The following CD177 variants were observed in gnomAD, a reference collection of about 807,000 sequenced individuals.
The protein encoded by CD177 is CD177 antigen.
Under a neutral mutation model 38.1 loss-of-function variants are expected in CD177, and 41 were observed. The ratio of observed to expected loss-of-function variants is 1.07; its 90% CI spans 0.84 to 1.39. The LOEUF is 1.39. Ranked by LOEUF, CD177 falls within the 40% of genes most tolerant of loss-of-function variation. CD177 has a pLI of 0.00. For synonymous variants in CD177, 236 were observed against 216.7 expected (o/e 1.09, Z -0.78); for missense variants, 619 against 523.8 (o/e 1.18, Z -1.77).
Position 43,355,689 on chromosome 19 carries a change from C to T in CD177, c.408C>T (p.Cys136=), listed in dbSNP as rs951833233. 8 of 1,612,846 alleles carry T rather than the reference C, an allele frequency of 5.0e-6. No homozygotes were observed. Among genetic ancestry groups the T allele is most frequent in the Non-Finnish European group, 6.8e-6 (8 of 1,179,390 alleles). The change falls in exon 4 of 9, where the codon TGC becomes TGT. Residue 136 remains cysteine (C), a synonymous_variant. Coordinates refer to ENST00000618265, the MANE Select transcript of CD177 (RefSeq NM_020406.4). ...ADPGSLRCPV[C]LSMEGCLEGT... Reference sequence around the variant, plus strand: ...CAGGATCCTTGAGGTGCCCAGTCTGCTTGTCTATGGAAGGCTGTCTGGAGG... The same window carrying T: ...CAGGATCCTTGAGGTGCCCAGTCTGTTTGTCTATGGAAGGCTGTCTGGAGG...
At chr19:43,363,561 T>C (rs1184836885), downstream of CD177, among the ~76,000 whole-genome samples, 5 of 152,188 alleles carry the variant, frequency 3.3e-5, no homozygotes, top group Non-Finnish European at 1.5e-5. Flanking sequence ...TCCAAACTGA[T>C]GTCCTCACTC....
In CD177 at chr19:43,362,162, C is replaced by A. The variant is rs559438445; in HGVS notation, c.1156C>A (p.Gln386Lys). ...PSSFLLNHTR[Q>K]IGIFSAREKR... is the part of the protein sequence containing the mutation. The stretch of plus-strand genomic sequence containing the variant: ...CAGCTTCTTGTTGAACCACACCAGA[C>A]AAATCGGGATCTTCTCTGCGCGTGA... The change falls in exon 9 of 9, where the codon CAA (glutamine) becomes AAA (lysine). Residue 386 changes from glutamine (Q) to lysine (K), a missense_variant. By Grantham distance (53) the Gln-to-Lys change is moderately conservative. Coordinates refer to ENST00000618265, the MANE Select transcript of CD177 (RefSeq NM_020406.4). 16 of 1,613,736 alleles carry A rather than the reference C, an allele frequency of 9.9e-6. No homozygotes were observed. In the Admixed American group the frequency reaches 1.7e-4, roughly 17 times the overall value.
intron 5 of CD177, 40 bp from the exon 6 acceptor site, chr19:43,360,225 G>A: frequency 2.5e-6 from 4 of 1,604,818 alleles, no homozygotes; most frequent in Non-Finnish European, 3.4e-6. Context: ...AGACATGGTG[G>A]GTTCCTGGCT....
At chr19:43,363,264 C>T (rs1599880423), downstream of CD177, 1 of 152,240 alleles carries the variant, frequency 6.6e-6, no homozygotes, top group South Asian at 2.1e-4. Context: ...CTTGAGAGAA[C>T]TCCAGAAAAA....
Position 43,356,047 on chromosome 19 carries a change from C to G in CD177, c.558C>G (p.Asn186Lys), listed in dbSNP as rs1356266599. 1.5e-6 allele frequency: 1 copy of G among 667,686 alleles called. No homozygotes were observed. The allele number at this position is 667,686 out of a possible 1,614,324, so 41.4% of individuals were successfully genotyped here. A position where few individuals can be genotyped will look rare whatever the true frequency, so the allele number is the denominator to read the frequency against. The part of the protein sequence containing the change: ...VQGCMPQPVC[N>K]LLNGTQEIGP... The stretch of plus-strand genomic sequence containing the variant: ...GATGCATGCCCCAGCCAGTTTGCAA[C>G]CTGCTCAATGGGACACAGGAAATTG... Residue 186 changes from asparagine (N) to lysine (K), a missense_variant, in exon 5 of 9, where the codon AAC becomes AAG. Transcript: ENST00000618265.
Position 43,362,371 on chromosome 19 carries a change from T to A in CD177, c.*51T>A, listed in dbSNP as rs1196698262. 7.5e-6 allele frequency: 6 copies of A among 801,044 alleles called. No individual in the cohort carries two copies. The highest frequency in any genetic ancestry group is 1.2e-5 in the Non-Finnish European group (6 of 498,614). 49.6% of individuals were successfully genotyped at this position (801,044 alleles called of 1,614,324 possible). A position where few individuals can be genotyped will look rare whatever the true frequency, so the allele number is the denominator to read the frequency against. ...CGCTGCTGACCACCCACACTCAACC[T>A]CCCTCTGACCTCATAACCTAATGGC... On this transcript the variant is annotated 3_prime_UTR_variant, in exon 9 of 9. Coordinates refer to ENST00000618265, the MANE Select transcript of CD177 (RefSeq NM_020406.4).
chr19:43,355,803 G>T lies in CD177; in HGVS notation c.502+20G>T, dbSNP rs367981894. 62 of 1,612,762 alleles carry T rather than the reference G, an allele frequency of 3.8e-5. No homozygotes were observed. The highest frequency in any genetic ancestry group is 1.3e-4 in the Admixed American group (8 of 59,846). ...GGGGAGGTAAGCCTGGGACATCGGGGTCCCTGTGGGGACTGAACTGGAAGG... is the reference window on the plus strand; with the variant it reads ...GGGGAGGTAAGCCTGGGACATCGGGTTCCCTGTGGGGACTGAACTGGAAGG... On this transcript the variant is annotated intron_variant, in intron 4 of 8. Coordinates refer to ENST00000618265, the MANE Select transcript of CD177 (RefSeq NM_020406.4).
At chr19:43,361,723 G>T (rs1437986587) in intron 8 of CD177, 144 bp downstream of exon 8, 1 of 841,792 alleles carries the variant, frequency 1.2e-6, no homozygotes, top group Non-Finnish European at 1.8e-6. Context: ...AGGGAGGAGG[G>T]GCTGGGGGCC....
chr19:43,359,889 T>C (rs551601529), intron 5 of CD177, among the ~76,000 whole-genome samples: 2 of 142,626 alleles, frequency 1.4e-5, no homozygotes, highest in South Asian at 4.8e-4. Context: ...ACATAGGGCT[T>C]TGCAACTGAA....
rs754833986 is a variant in CD177, at chr19:43,360,262, C to T, written c.620-3C>T. On this transcript the variant is annotated splice_polypyrimidine_tract_variant and splice_region_variant and intron_variant, in intron 5 of 8. Transcript: ENST00000618265. ...ACACACACCCTGGGATTCCTCTCCC[C>T]AGATTTTCTGACCTGTCATCGGGGG... 2.5e-6 allele frequency: 4 copies of T among 1,612,754 alleles called. No individual in the cohort carries two copies. Among genetic ancestry groups the T allele is most frequent in the South Asian group, 2.2e-5 (2 of 90,646 alleles).
rs776244746 is a variant in CD177, at chr19:43,355,797, A to G, written c.502+14A>G. On this transcript the variant is annotated intron_variant, in intron 4 of 8. Transcript: ENST00000618265. ...GGCTCAGGGGAGGTAAGCCTGGGAC[A>G]TCGGGGTCCCTGTGGGGACTGAACT... 3.7e-6 allele frequency: 6 copies of G among 1,612,922 alleles called. No homozygotes were observed. Among genetic ancestry groups the G allele is most frequent in the Non-Finnish European group, 4.2e-6 (5 of 1,179,434 alleles).
At chr19:43,365,738 A>G (rs1328322864), downstream of CD177, among the ~76,000 whole-genome samples, 1 of 150,498 alleles carries the variant, frequency 6.6e-6, no homozygotes, top group Non-Finnish European at 1.5e-5. Context: ...GGACCCATCC[A>G]TAAGCCTGGT....
Position 43,362,107 on chromosome 19 carries a change from G to C in CD177, c.1101G>C (p.Met367Ile), listed in dbSNP as rs558473917. 1 of 1,613,608 alleles carries C rather than the reference G, an allele frequency of 6.2e-7. No individual in the cohort carries two copies. The highest frequency in any genetic ancestry group is 1.3e-5 in the African/African-American group (1 of 74,890). ...HLSGGGLSTKMSIQGCVAQPS... is the reference protein window; with the variant it reads ...HLSGGGLSTKISIQGCVAQPS... ...CTCTAGGTGGGCTGTCCACCAAAAT[G>C]AGCATTCAGGGCTGCGTGGCCCAAC... The change falls in exon 9 of 9, where the codon ATG (methionine) becomes ATC (isoleucine). Residue 367 changes from methionine to isoleucine, a missense_variant. Transcript: ENST00000618265.
Position 43,361,695 on chromosome 19 carries a change from G to T in CD177, c.1081+116G>T, listed in dbSNP as rs138492312. On this transcript the variant is annotated intron_variant, in intron 8 of 8. Transcript: ENST00000618265. The stretch of plus-strand genomic sequence containing the variant: ...TGGTCCGAGGGAGGAGGCGCTGGGG[G>T]CCTGGACTCCTGGTCCGAGGGAGGA... The T allele has an allele frequency of 2.7e-3, 3,011 of 1,105,532 alleles. 88 individuals carry two copies. The East Asian group carries it at 0.06, about 22-fold the overall frequency. The allele number at this position is 1,105,532 out of a possible 1,614,324, so 68.5% of individuals were successfully genotyped here.
At chr19:43,354,456 G>C (rs774346740) in intron 3 of CD177, 64 bp downstream of exon 3, 1 of 1,565,058 alleles carries the variant, frequency 6.4e-7, no homozygotes, top group African/African-American at 1.4e-5. Flanking sequence ...TGAGCACAGA[G>C]GGGCTGTTAC....
At chr19:43,360,160 C>A in intron 5 of CD177, 105 bp from the exon 6 acceptor site, 1 of 1,360,016 alleles carries the variant, frequency 7.4e-7, no homozygotes, top group Non-Finnish European at 1.0e-6. Context: ...GCCAGGTCAC[C>A]TGGAGTGTGA....
chr19:43,356,097 G>C lies in CD177; in HGVS notation c.608G>C (p.Cys203Ser). The C allele has an allele frequency of 3.3e-6, 2 of 610,424 alleles. No homozygotes were observed. Among genetic ancestry groups the C allele is most frequent in the South Asian group, 3.6e-5 (2 of 55,088 alleles). The allele number at this position is 610,424 out of a possible 1,614,324, so 37.8% of individuals were successfully genotyped here. ...GGGCCCGTGGGTATGACTGAGAACT[G>C]CGATATGAAAGGTGAGTCCTGCCCC... ...EIGPVGMTEN[C>S]DMKDFLTCHR... The change falls in exon 5 of 9, where the codon TGC becomes TCC. Residue 203 changes from cysteine to serine, a missense_variant. Transcript: ENST00000618265.
Position 43,361,190 on chromosome 19 carries a change from G to A in CD177, c.808G>A (p.Ala270Thr), listed in dbSNP as rs1479294112. The change falls in exon 7 of 9, where the codon GCT becomes ACT. Residue 270 changes from alanine (A) to threonine (T), a missense_variant. Ala to Thr is a moderately conservative substitution (Grantham distance 58). Transcript: ENST00000618265. The part of the protein sequence containing the change: ...VGTKGCSTVG[A>T]QNSQKTTIHS... ...GACAAAAGGCTGCAGCACTGTTGGG[G>A]CTCAAAATTCCCAGAAGACCACCAT... The A allele has an allele frequency of 1.3e-6, 2 of 1,548,892 alleles. No homozygotes were observed. The highest frequency in any genetic ancestry group is 4.5e-5 in the East Asian group (2 of 44,862).
downstream of CD177, among the ~76,000 whole-genome samples, chr19:43,366,040 G>A (rs565967532): frequency 7.9e-5 from 12 of 152,268 alleles, no homozygotes; most frequent in East Asian, 1.9e-3. Context: ...GCAGGAGGAG[G>A]CGCGGAATTT....
Sources: allele counts gnomAD v4.1 joint callset (sites outside exome capture counted in the v4.1 genomes callset), GRCh38; gene constraint gnomAD v4.1.1; transcripts MANE v1.5; gene names NCBI Gene and HGNC (gene_info 2026-07-23, HGNC 2026-07-21).